GABRG3: variants seen among roughly 807,000 people sequenced by gnomAD.
GABRG3 encodes gamma-aminobutyric acid receptor subunit gamma-3.
In GABRG3, 25 loss-of-function variants were observed where a neutral mutation model predicts 48.8. The ratio of observed to expected loss-of-function variants is 0.51; its 90% CI spans 0.37 to 0.72. The LOEUF (loss-of-function observed/expected upper bound fraction) is 0.72, where lower values mean the gene tolerates loss of function less well. Ranked by LOEUF, GABRG3 falls within the 30% of genes least tolerant of loss-of-function variation. GABRG3 has a pLI of 0.00. For synonymous variants in GABRG3, 227 were observed against 217.6 expected (o/e 1.04, Z -0.38); for missense variants, 394 against 577.9 (o/e 0.68, Z 3.26).
rs1380032207 is a variant in GABRG3, at chr15:27,367,692, T to C, written c.574+38804T>C. ...AAATTGAGTAGCATTGCATATAATA[T>C]ATGTGGTGACTTTTCTAAACTTTAT... On this transcript the variant is annotated intron_variant, in intron 5 of 9. Coordinates refer to ENST00000615808, the MANE Select transcript of GABRG3 (RefSeq NM_033223.5). Among the ~76,000 whole-genome samples the C allele has an allele frequency of 2.0e-5, 3 of 152,218 alleles. No homozygotes were observed. The East Asian group carries it at 5.8e-4, about 29-fold the overall frequency.
intron 2 of GABRG3, among the ~76,000 whole-genome samples, chr15:27,001,988 A>G (rs1380792389): frequency 6.7e-6 from 1 of 149,946 alleles, no homozygotes; most frequent in Non-Finnish European, 1.5e-5. Context: ...TAACTACTGT[A>G]TGTGTGGTTA....
At chr15:27,040,517 A>C (rs1383285870) in intron 3 of GABRG3, among the ~76,000 whole-genome samples, 1 of 152,160 alleles carries the variant, frequency 6.6e-6, no homozygotes, top group African/African-American at 2.4e-5. Flanking sequence ...CAAAAGGAAA[A>C]TTTGATTTTA....
intron 3 of GABRG3, among the ~76,000 whole-genome samples, chr15:27,268,183 G>T (rs577191436): frequency 3.9e-5 from 6 of 152,176 alleles, no homozygotes; most frequent in African/African-American, 1.4e-4. Context: ...TTTTTTATGG[G>T]AAGAATTTTT....
intron 5 of GABRG3, among the ~76,000 whole-genome samples, chr15:27,359,891 A>G (rs868381194): frequency 6.6e-6 from 1 of 152,216 alleles, no homozygotes; most frequent in African/African-American, 2.4e-5. Context: ...TCTGATACAC[A>G]TATTTCCATA....
At chr15:27,425,491 G>C (rs1888265655) in intron 5 of GABRG3, among the ~76,000 whole-genome samples, 1 of 150,204 alleles carries the variant, frequency 6.7e-6, no homozygotes, top group African/African-American at 2.5e-5. Flanking sequence ...GGCGCCTGTA[G>C]TCCCAGCTAC....
At chr15:27,308,920 G>A (rs1892881057) in intron 3 of GABRG3, among the ~76,000 whole-genome samples, 2 of 149,108 alleles carry the variant, frequency 1.3e-5, no homozygotes, top group Non-Finnish European at 3.0e-5. Flanking sequence ...GTAAACATAT[G>A]TTTATATGAA....
Position 27,466,934 on chromosome 15 carries a change from T to C in GABRG3, c.575-13716T>C, listed in dbSNP as rs150458559. Among the ~76,000 whole-genome samples, 739 of 152,338 alleles carry C rather than the reference T, an allele frequency of 4.9e-3. 5 individuals are homozygous for C. Among genetic ancestry groups the C allele is most frequent in the African/African-American group, 0.016 (674 of 41,582 alleles). On this transcript the variant is annotated intron_variant, in intron 5 of 9. Coordinates refer to ENST00000615808, the MANE Select transcript of GABRG3 (RefSeq NM_033223.5). ...TGAGTAAGGGATGTAGTTTTTATGT[T>C]TTTTGGCAGCACAATAAACACTACA...
At chr15:27,413,499 C>A (rs1170704223) in intron 5 of GABRG3, among the ~76,000 whole-genome samples, 1 of 152,164 alleles carries the variant, frequency 6.6e-6, no homozygotes, top group Non-Finnish European at 1.5e-5. Context: ...AATGAGCTGT[C>A]ACCTGTGCTT....
chr15:27,099,942 C>T (rs1266429441), intron 3 of GABRG3, among the ~76,000 whole-genome samples: 1 of 152,106 alleles, frequency 6.6e-6, no homozygotes, highest in Non-Finnish European at 1.5e-5. Flanking sequence ...ATTGGCCGGG[C>T]ACGGTGGCTC....
intron 6 of GABRG3, among the ~76,000 whole-genome samples, chr15:27,485,257 T>G (rs1352598968): frequency 1.3e-5 from 2 of 152,080 alleles, no homozygotes; most frequent in Non-Finnish European, 2.9e-5. Flanking sequence ...GGCGCATCAG[T>G]GAAAGTCAAT....
intron 3 of GABRG3, among the ~76,000 whole-genome samples, chr15:27,122,094 TAA>T (rs1044246282): frequency 3.4e-4 from 51 of 152,158 alleles, no homozygotes; most frequent in African/African-American, 7.7e-4. Context: ...TTAAAATAAC[TAA>T]AAGAGTGTAA....
At chr15:27,158,819 C>T (rs778601059) in intron 3 of GABRG3, among the ~76,000 whole-genome samples, 1 of 152,196 alleles carries the variant, frequency 6.6e-6, no homozygotes, top group Non-Finnish European at 1.5e-5. Context: ...ACACATCTTA[C>T]AGCTGAAATT....
intron 2 of GABRG3, among the ~76,000 whole-genome samples, chr15:26,998,709 C>T (rs1895386161): frequency 6.6e-6 from 1 of 152,178 alleles, no homozygotes. Context: ...CATTATCTTA[C>T]ACTCAGAGAG....
At chr15:27,527,366 G>C in intron 7 of GABRG3, 67 bp from the exon 8 acceptor site, 7 of 1,476,996 alleles carry the variant, frequency 4.7e-6, no homozygotes, top group Non-Finnish European at 5.6e-6. Flanking sequence ...GAGGGATGTG[G>C]GTGACCGTCT....
intron 3 of GABRG3, among the ~76,000 whole-genome samples, chr15:27,116,460 C>A (rs1054618584): frequency 7.2e-5 from 11 of 152,092 alleles, no homozygotes; most frequent in African/African-American, 2.4e-4. Flanking sequence ...CCACTATCTA[C>A]CTATGTCATC....
At chr15:27,059,659 T>C (rs1896612073) in intron 3 of GABRG3, among the ~76,000 whole-genome samples, 1 of 152,246 alleles carries the variant, frequency 6.6e-6, no homozygotes, top group African/African-American at 2.4e-5. Context: ...AGGAGACATG[T>C]GTTCCAAGAC....
At chr15:27,210,498 GCA>G (rs897056161) in intron 3 of GABRG3, among the ~76,000 whole-genome samples, 20 of 152,146 alleles carry the variant, frequency 1.3e-4, no homozygotes, top group African/African-American at 4.8e-4. Flanking sequence ...ACATACACAT[GCA>G]CACACGCGTG....
At chr15:27,211,940 C>T (rs951495820) in intron 3 of GABRG3, among the ~76,000 whole-genome samples, 1 of 152,172 alleles carries the variant, frequency 6.6e-6, no homozygotes, top group Non-Finnish European at 1.5e-5. Context: ...TTTGCTGTTG[C>T]AGATCACTCG....
intron 3 of GABRG3, among the ~76,000 whole-genome samples, chr15:27,245,788 G>A (rs765024621): frequency 2.6e-5 from 4 of 152,132 alleles, no homozygotes; most frequent in Non-Finnish European, 5.9e-5. Flanking sequence ...CAGGAGAATC[G>A]CTTGAACCTG....
Sources: allele counts gnomAD v4.1 joint callset (sites outside exome capture counted in the v4.1 genomes callset), GRCh38; gene constraint gnomAD v4.1.1; transcripts MANE v1.5; gene names NCBI Gene and HGNC (gene_info 2026-07-23, HGNC 2026-07-21).